The following SHTN1 variants were observed in gnomAD, a reference collection of about 807,000 sequenced individuals.
SHTN1 encodes shootin-1.
SHTN1 carries 42 observed loss-of-function variants against 83.1 expected under a neutral mutation model. The ratio of observed to expected loss-of-function variants is 0.51; its 90% CI spans 0.39 to 0.65. The LOEUF (loss-of-function observed/expected upper bound fraction) is 0.65. Ranked by LOEUF, SHTN1 falls within the 30% of genes least tolerant of loss-of-function variation. The pLI is 0.00. For missense variants in SHTN1, 622 were observed against 737.8 expected (o/e 0.84, Z 1.82); for synonymous variants, 224 against 247.7 (o/e 0.90, Z 0.90).
chr10:117,023,356 T>G (rs1319487687), intron 2 of SHTN1, among the ~76,000 whole-genome samples: 1 of 152,232 alleles, frequency 6.6e-6, no homozygotes, highest in Non-Finnish European at 1.5e-5. Context: ...CCTTCCTAGA[T>G]GAGCTGCATT....
Position 116,929,991 on chromosome 10 carries a change from T to A in SHTN1, c.870A>T (p.Leu290Phe). The A allele has an allele frequency of 1.9e-6, 3 of 1,583,846 alleles. No homozygotes were observed. Among genetic ancestry groups the A allele is most frequent in the Non-Finnish European group, 2.6e-6 (3 of 1,165,806 alleles). Reference protein sequence around the residue: ...RIQHQQKVKELEEQLENETLH... With the variant: ...RIQHQQKVKEFEEQLENETLH... ...GTGTTTCATTTTCTAGTTGCTCTTC[T>A]AATTCTTTGACCTATAAGTTATTTA... The change falls in exon 10 of 17, where the codon TTA becomes TTT. Residue 290 changes from leucine to phenylalanine, a missense_variant. Around this residue, in one of 3 missense-constraint regions of SHTN1, gnomAD observed 383 missense variants for 455.8 expected, o/e 0.84. Transcript: ENST00000355371.
At chr10:116,954,839 T>C (rs1303012028) in intron 4 of SHTN1, among the ~76,000 whole-genome samples, 1 of 152,034 alleles carries the variant, frequency 6.6e-6, no homozygotes, top group African/African-American at 2.4e-5. Flanking sequence ...CACTATAGGA[T>C]CAAGGAAAAG....
At chr10:117,065,828 GGAAGGAAGGAA>G (rs1852987284) in intron 1 of SHTN1, among the ~76,000 whole-genome samples, 1 of 86,084 alleles carries the variant, frequency 1.2e-5, no homozygotes, top group Non-Finnish European at 2.3e-5. Context: ...AAGGAAGGAA[GGAAGGAAGGAA>G]GGAAGGAAGG....
At chr10:117,045,192 A>T (rs182428624) in intron 2 of SHTN1, among the ~76,000 whole-genome samples, 70 of 152,256 alleles carry the variant, frequency 4.6e-4, no homozygotes, top group Middle Eastern at 6.8e-3. Context: ...AAAGTAACAA[A>T]CTCTGGAAAT....
intron 12 of SHTN1, among the ~76,000 whole-genome samples, chr10:116,920,863 C>T (rs547442384): frequency 2.4e-4 from 37 of 152,220 alleles, no homozygotes; most frequent in African/African-American, 8.4e-4. Flanking sequence ...CCCTAAACAC[C>T]ACCACCCAAC....
At chr10:116,895,209 G>C (rs962442259) in intron 16 of SHTN1, among the ~76,000 whole-genome samples, 2 of 151,928 alleles carry the variant, frequency 1.3e-5, no homozygotes, top group Non-Finnish European at 2.9e-5. Context: ...CAATGATTAC[G>C]GTCAGAAATT....
At chr10:117,005,230 C>A, upstream of SHTN1, 1 of 1,495,218 alleles carries the variant, frequency 6.7e-7, no homozygotes, top group Non-Finnish European at 8.9e-7. Flanking sequence ...TGGCGCGGAG[C>A]GCGCGAGTGA....
At chr10:116,989,353 T>C (rs1210585016) in intron 1 of SHTN1, among the ~76,000 whole-genome samples, 1 of 152,120 alleles carries the variant, frequency 6.6e-6, no homozygotes, top group Non-Finnish European at 1.5e-5. Context: ...GGATACCACA[T>C]TACATTTAGC....
chr10:116,911,649 C>T (rs1015745618), intron 14 of SHTN1, 141 bp downstream of exon 14: 15 of 1,563,334 alleles, frequency 9.6e-6, no homozygotes, highest in East Asian at 4.7e-5. Context: ...TCTGTAAGCA[C>T]GATCAAATAA....
chr10:117,016,530 CTA>C (rs1852183249), intron 2 of SHTN1, among the ~76,000 whole-genome samples: 1 of 152,176 alleles, frequency 6.6e-6, no homozygotes, highest in Non-Finnish European at 1.5e-5. Context: ...ACTCAGCCTC[CTA>C]AGTAGCTGGA....
intron 11 of SHTN1, among the ~76,000 whole-genome samples, chr10:116,927,180 C>A (rs1848772482): frequency 6.6e-6 from 1 of 152,114 alleles, no homozygotes; most frequent in South Asian, 2.1e-4. Flanking sequence ...CAAACCACAG[C>A]TTTTCAAATT....
chr10:116,922,307 A>G (rs1295676059), intron 11 of SHTN1, among the ~76,000 whole-genome samples: 1 of 152,176 alleles, frequency 6.6e-6, no homozygotes, highest in Non-Finnish European at 1.5e-5. Flanking sequence ...AAATCTGATA[A>G]TATCAAGTGT....
At chr10:116,993,377 A>AAGC (rs1242356360) in intron 1 of SHTN1, among the ~76,000 whole-genome samples, 1 of 152,086 alleles carries the variant, frequency 6.6e-6, no homozygotes, top group Non-Finnish European at 1.5e-5. Context: ...GCTTTGAAGA[A>AAGC]ATTTCACATT....
At chr10:117,024,124 C>T (rs189165963) in intron 2 of SHTN1, among the ~76,000 whole-genome samples, 13 of 152,010 alleles carry the variant, frequency 8.6e-5, no homozygotes, top group Admixed American at 8.5e-4. Flanking sequence ...AAAAATTATG[C>T]TGAATGGAAG....
At chr10:117,113,218 A>T (rs542814517) in intron 1 of SHTN1, among the ~76,000 whole-genome samples, 150 of 152,318 alleles carry the variant, frequency 9.8e-4, no homozygotes, top group Non-Finnish European at 1.7e-3. Context: ...TTTGAGCAGG[A>T]ATCTCCTCCA....
intron 9 of SHTN1, among the ~76,000 whole-genome samples, chr10:116,931,243 CGTTTTT>C (rs963433222): frequency 1.3e-4 from 19 of 149,642 alleles, no homozygotes; most frequent in East Asian, 3.9e-4. Context: ...TGTTTTGTTT[CGTTTTT>C]GTTTTTGTTT....
At chr10:117,082,938 T>C (rs1300692441) in intron 1 of SHTN1, among the ~76,000 whole-genome samples, 2 of 151,110 alleles carry the variant, frequency 1.3e-5, no homozygotes, top group African/African-American at 2.4e-5. Context: ...GCTCTGCACG[T>C]GAGATGGGTT....
intron 3 of SHTN1, among the ~76,000 whole-genome samples, chr10:116,962,778 T>C (rs1850228030): frequency 6.6e-6 from 1 of 152,206 alleles, no homozygotes; most frequent in Non-Finnish European, 1.5e-5. Flanking sequence ...TTTTTATTTC[T>C]TCTCAAAGAG....
chr10:117,114,415 C>T (rs1853814147), intron 1 of SHTN1, among the ~76,000 whole-genome samples: 1 of 152,080 alleles, frequency 6.6e-6, no homozygotes, highest in African/African-American at 2.4e-5. Flanking sequence ...TTGGGGGCAG[C>T]CTGCAAGTCT....
Sources: allele counts gnomAD v4.1 joint callset (sites outside exome capture counted in the v4.1 genomes callset), GRCh38; gene constraint gnomAD v4.1.1; regional missense constraint gnomAD v4.1.1; transcripts MANE v1.5; gene names NCBI Gene and HGNC (gene_info 2026-07-23, HGNC 2026-07-21).